CPQ: variants seen among roughly 807,000 people sequenced by gnomAD.
CPQ encodes Ser-Met dipeptidase.
In CPQ, 37 loss-of-function variants were observed where a neutral mutation model predicts 45.7. The ratio of observed to expected loss-of-function variants is 0.81; its 90% confidence interval spans 0.62 to 1.07. The LOEUF (loss-of-function observed/expected upper bound fraction) is 1.07, where lower values mean the gene tolerates loss of function less well. CPQ is among the 50% of genes least tolerant of loss of function. The pLI is 0.00. For missense variants in CPQ, 537 were observed against 572.9 expected (o/e 0.94, Z 0.64); for synonymous variants, 186 against 205.8 (o/e 0.90, Z 0.82).
rs1055388278 is a variant in CPQ at position 97,068,954 on chromosome 8, C to T, written c.1255+2744C>T. Among the ~76,000 whole-genome samples, 10 of 152,130 alleles carry T rather than the reference C, an allele frequency of 6.6e-5. No individual in the cohort carries two copies. The South Asian group carries it at 8.3e-4, about 13-fold the overall frequency. On this transcript the variant is annotated intron_variant, in intron 7 of 7. Coordinates refer to ENST00000220763, the MANE Select transcript of CPQ (RefSeq NM_016134.4). ...GAATGCTGAGAAGCCTCCAAATCTC[C>T]GGCAGTGTCTAAAATGTTTATCTTA...
intron 4 of CPQ, among the ~76,000 whole-genome samples, chr8:96,942,486 A>G (rs1813137708): frequency 6.6e-6 from 1 of 152,138 alleles, no homozygotes; most frequent in South Asian, 2.1e-4. Flanking sequence ...GCAGGGACCA[A>G]GCAAATGAAA....
At chr8:96,844,924 A>G (rs1392224008) in intron 3 of CPQ, among the ~76,000 whole-genome samples, 4 of 152,202 alleles carry the variant, frequency 2.6e-5, no homozygotes, top group African/African-American at 9.6e-5. Context: ...TTGTTCTTGC[A>G]AGCTGTACCA....
chr8:96,670,933 G>A (rs1406088987), intron 1 of CPQ, among the ~76,000 whole-genome samples: 1 of 151,632 alleles, frequency 6.6e-6, no homozygotes, highest in Non-Finnish European at 1.5e-5. Flanking sequence ...CAGGACGGAC[G>A]GATCCTTGTG....
intron 3 of CPQ, among the ~76,000 whole-genome samples, chr8:96,841,846 T>C (rs1811615461): frequency 6.6e-6 from 1 of 152,180 alleles, no homozygotes; most frequent in African/African-American, 2.4e-5. Flanking sequence ...GGGAGAATGC[T>C]ATACCATCTG....
intron 5 of CPQ, among the ~76,000 whole-genome samples, chr8:96,979,510 A>G (rs1813850703): frequency 1.3e-5 from 2 of 152,320 alleles, no homozygotes; most frequent in African/African-American, 4.8e-5. Flanking sequence ...TTCTTCGCCT[A>G]CACGCTTCTC....
intron 7 of CPQ, among the ~76,000 whole-genome samples, chr8:97,075,456 A>G (rs1810829854): frequency 6.6e-6 from 1 of 152,216 alleles, no homozygotes; most frequent in Non-Finnish European, 1.5e-5. Flanking sequence ...TATGGAGGAT[A>G]CAAAAATGAG....
chr8:96,717,043 ATATATATATATATATATATATATAT>A (rs1809687186), intron 1 of CPQ, among the ~76,000 whole-genome samples: 1 of 37,914 alleles, frequency 2.6e-5, no homozygotes, highest in African/African-American at 9.1e-5. Flanking sequence ...ATATATATAT[ATATATATATATATATATATATATAT>A]ATATATATAC....
At chr8:96,850,588 A>AT (rs869256203) in intron 3 of CPQ, among the ~76,000 whole-genome samples, 60 of 112,892 alleles carry the variant, frequency 5.3e-4, no homozygotes, top group East Asian at 1.1e-3. Context: ...ATTTTATTTT[A>AT]TTTATTTATT....
At chr8:97,120,359 T>A (rs542102857) in intron 7 of CPQ, among the ~76,000 whole-genome samples, 11 of 151,574 alleles carry the variant, frequency 7.3e-5, no homozygotes, top group Non-Finnish European at 1.6e-4. Flanking sequence ...TTTACAAGCT[T>A]ATTCACTGCC....
chr8:96,948,402 A>G (rs1404532062), intron 4 of CPQ, among the ~76,000 whole-genome samples: 1 of 152,076 alleles, frequency 6.6e-6, no homozygotes, highest in Non-Finnish European at 1.5e-5. Context: ...TTTTGACACA[A>G]TGGTTGTTTA....
intron 7 of CPQ, among the ~76,000 whole-genome samples, chr8:97,116,762 T>C (rs1217528883): frequency 6.6e-6 from 1 of 152,208 alleles, no homozygotes; most frequent in African/African-American, 2.4e-5. Flanking sequence ...TCTCCCAAAG[T>C]TGGGAAATAC....
chr8:96,940,003 T>A (rs1339485773), intron 4 of CPQ, among the ~76,000 whole-genome samples: 1 of 152,132 alleles, frequency 6.6e-6, no homozygotes, highest in Non-Finnish European at 1.5e-5. Flanking sequence ...CTTAACTTTT[T>A]ACCATCAATA....
chr8:96,741,066 T>C (rs1810081378), intron 1 of CPQ, among the ~76,000 whole-genome samples: 1 of 152,254 alleles, frequency 6.6e-6, no homozygotes, highest in South Asian at 2.1e-4. Flanking sequence ...TTCCTCCTTG[T>C]ACCTCTGGTA....
At chr8:96,874,844 T>C (rs1452555813) in intron 3 of CPQ, among the ~76,000 whole-genome samples, 2 of 151,946 alleles carry the variant, frequency 1.3e-5, no homozygotes, top group African/African-American at 4.8e-5. Context: ...CATTTCGTTA[T>C]AATATATACC....
At chr8:96,663,172 G>A (rs1808864989) in intron 1 of CPQ, among the ~76,000 whole-genome samples, 1 of 152,200 alleles carries the variant, frequency 6.6e-6, no homozygotes, top group African/African-American at 2.4e-5. Flanking sequence ...GCCTTTGGAT[G>A]TGGAAATTTA....
At chr8:97,031,595 G>A (rs756065924) in intron 6 of CPQ, among the ~76,000 whole-genome samples, 5 of 152,158 alleles carry the variant, frequency 3.3e-5, no homozygotes, top group African/African-American at 4.8e-5. Context: ...AAAAAAGAAG[G>A]TTTATTTTTC....
At chr8:96,907,764 T>C (rs1180503846) in intron 4 of CPQ, among the ~76,000 whole-genome samples, 1 of 152,004 alleles carries the variant, frequency 6.6e-6, no homozygotes, top group East Asian at 1.9e-4. Flanking sequence ...ATTTTCTCAA[T>C]TTTAGGGTTC....
chr8:97,119,201 T>C (rs1337808983), intron 7 of CPQ, among the ~76,000 whole-genome samples: 2 of 151,796 alleles, frequency 1.3e-5, no homozygotes, highest in Admixed American at 1.3e-4. Flanking sequence ...TGGTAATGGG[T>C]GCCTGCAATC....
At chr8:97,130,415 C>T (rs1416604847) in intron 7 of CPQ, among the ~76,000 whole-genome samples, 1 of 132,428 alleles carries the variant, frequency 7.6e-6, no homozygotes, top group African/African-American at 2.9e-5. Context: ...CTATCATCGT[C>T]AGCTGTTTTT....
Sources: allele counts gnomAD v4.1 joint callset (sites outside exome capture counted in the v4.1 genomes callset), GRCh38; gene constraint gnomAD v4.1.1; transcripts MANE v1.5; gene names NCBI Gene and HGNC (gene_info 2026-07-23, HGNC 2026-07-21).